The following NEDD4L variants were observed in gnomAD, a reference collection of about 807,000 sequenced individuals.
The protein encoded by NEDD4L is NEDD4 like E3 ubiquitin protein ligase, also known as E3 ubiquitin-protein ligase NEDD4-like.
NEDD4L carries 54 observed loss-of-function variants against 148.9 expected under a neutral mutation model. That is an observed-to-expected ratio of 0.36 (90% CI 0.29 to 0.45). The LOEUF (loss-of-function observed/expected upper bound fraction) is 0.45. Ranked by LOEUF, NEDD4L falls within the 20% of genes least tolerant of loss-of-function variation. NEDD4L has a pLI of 1.00. For synonymous variants in NEDD4L, 433 were observed against 440.7 expected (o/e 0.98, Z 0.22); for missense variants, 856 against 1,233.8 (o/e 0.69, Z 4.59).
At chr18:58,100,152 T>C (rs1029898081) in intron 1 of NEDD4L, among the ~76,000 whole-genome samples, 3 of 152,142 alleles carry the variant, frequency 2.0e-5, no homozygotes, top group African/African-American at 7.2e-5. Context: ...TGCTGTGGGC[T>C]CAGGGAAGTG....
At position 58,256,256 on chromosome 18, in the gene NEDD4L, C is replaced by T; in HGVS notation, c.297+4202C>T. On this transcript the variant is annotated intron_variant, in intron 5 of 30. Transcript: ENST00000400345. The surrounding 1 kb of genome is among the most constrained non-coding windows in gnomAD (Gnocchi z 5.2). ...CAGCGCCGACGTGCGCCAGGTGAGG[C>T]TGCTGCCCCTGGGCCCCGATGGCCA... The T allele has an allele frequency of 8.1e-7, 1 of 1,230,832 alleles. No homozygotes were observed. The highest frequency in any genetic ancestry group is 1.0e-6 in the Non-Finnish European group (1 of 987,382). 76.2% of individuals were successfully genotyped at this position (1,230,832 alleles called of 1,614,324 possible).
intron 13 of NEDD4L, among the ~76,000 whole-genome samples, chr18:58,339,226 C>A (rs1242117683): frequency 6.6e-6 from 1 of 152,134 alleles, no homozygotes; most frequent in Admixed American, 6.5e-5. Flanking sequence ...GAGAATGTAA[C>A]ACATTCCATT....
intron 5 of NEDD4L, among the ~76,000 whole-genome samples, chr18:58,260,064 TAAC>T (rs1438338265): frequency 6.6e-6 from 1 of 152,144 alleles, no homozygotes; most frequent in African/African-American, 2.4e-5. Flanking sequence ...TTTTAAAACA[TAAC>T]AACACAGGAG....
In NEDD4L at chr18:58,109,014, GC is replaced by G. The variant is rs552468919; in HGVS notation, c.49-56773del. 1.7e-3 allele frequency among the ~76,000 whole-genome samples: 257 copies of G among 152,332 alleles called. 1 individual carries two copies. The highest frequency in any genetic ancestry group is 6.1e-3 in the African/African-American group (252 of 41,578). On this transcript the variant is annotated intron_variant, in intron 1 of 30. Coordinates refer to ENST00000400345, the MANE Select transcript of NEDD4L (RefSeq NM_001144967.3). ...GAAGGTAGAAAGTTGAAAGTGGATA[GC>G]TAAAAGTGGAGGCAAATTAAGGGAC...
intron 5 of NEDD4L, among the ~76,000 whole-genome samples, chr18:58,287,229 C>T (rs968517795): frequency 1.3e-5 from 2 of 151,962 alleles, no homozygotes; most frequent in Non-Finnish European, 2.9e-5. Flanking sequence ...CAACCCAGCA[C>T]GAAATTCCAG....
chr18:58,081,609 C>T (rs903460152), intron 1 of NEDD4L, among the ~76,000 whole-genome samples: 3 of 152,084 alleles, frequency 2.0e-5, no homozygotes, highest in East Asian at 1.9e-4. Flanking sequence ...GGAATTAACT[C>T]GGTCAAAACA....
At chr18:58,142,913 C>T (rs1031048534) in intron 1 of NEDD4L, among the ~76,000 whole-genome samples, 4 of 152,036 alleles carry the variant, frequency 2.6e-5, no homozygotes, top group African/African-American at 4.8e-5. Flanking sequence ...TCATCAGTAT[C>T]TGGACGCTGG....
chr18:58,330,992 TA>T, intron 11 of NEDD4L, 78 bp downstream of exon 11: 1 of 1,438,268 alleles, frequency 7.0e-7, no homozygotes, highest in Non-Finnish European at 9.6e-7. Context: ...ATCTCTTACG[TA>T]AATAGTGACC....
chr18:58,084,268 A>T (rs537949165), intron 1 of NEDD4L, among the ~76,000 whole-genome samples: 2 of 152,342 alleles, frequency 1.3e-5, no homozygotes, highest in South Asian at 4.1e-4. Context: ...GGAAACAAGG[A>T]CTAACTGCTA....
chr18:58,150,931 C>T (rs1259873820), intron 1 of NEDD4L, among the ~76,000 whole-genome samples: 1 of 152,188 alleles, frequency 6.6e-6, no homozygotes, highest in Non-Finnish European at 1.5e-5. Flanking sequence ...GGTGGACGTC[C>T]TTGACTCCTC....
intron 1 of NEDD4L, among the ~76,000 whole-genome samples, chr18:58,082,427 T>C (rs532218656): frequency 2.6e-5 from 4 of 151,824 alleles, no homozygotes; most frequent in African/African-American, 9.7e-5. Context: ...TAGTACTGTT[T>C]ATGCATTTTG....
intron 5 of NEDD4L, among the ~76,000 whole-genome samples, chr18:58,302,233 G>A (rs529051918): frequency 1.3e-5 from 2 of 152,226 alleles, no homozygotes; most frequent in African/African-American, 4.8e-5. Flanking sequence ...ACTAGATAAT[G>A]TTTTAAAGGG....
intron 5 of NEDD4L, among the ~76,000 whole-genome samples, chr18:58,261,482 ACTGT>A (rs1197918455): frequency 3.3e-5 from 5 of 152,234 alleles, no homozygotes; most frequent in African/African-American, 1.2e-4. Flanking sequence ...ATTTTAAGAT[ACTGT>A]CTTTTAGAGA....
At position 58,296,749 on chromosome 18, in the gene NEDD4L, C is replaced by G. The variant is rs190919612; in HGVS notation, c.298-19233C>G. On this transcript the variant is annotated intron_variant, in intron 5 of 30. Transcript: ENST00000400345. ...CCAGCCTGGCCAACATGGTGAAACCCTGTCTCTACTAAAAATACAAAAATT... is the reference window on the plus strand; with the variant it reads ...CCAGCCTGGCCAACATGGTGAAACCGTGTCTCTACTAAAAATACAAAAATT... 3.5e-3 allele frequency among the ~76,000 whole-genome samples: 539 copies of G among 152,218 alleles called. 2 individuals carry two copies. Among genetic ancestry groups the G allele is most frequent in the Admixed American group, 5.2e-3 (80 of 15,294 alleles).
chr18:58,311,014 C>CT lies in NEDD4L; in HGVS notation c.298-4957dup, dbSNP rs76708557. 2.3e-3 allele frequency among the ~76,000 whole-genome samples: 336 copies of CT among 147,246 alleles called. 1 individual carries two copies. The highest frequency in any genetic ancestry group is 6.9e-3 in the Middle Eastern group (2 of 290). On this transcript the variant is annotated intron_variant, in intron 5 of 30. Transcript: ENST00000400345. The stretch of plus-strand genomic sequence containing the variant: ...CCATTTGTCTTAAGAAACTCTAAAC[C>CT]TTTTTTTTTTTGGAAATCACTACTT...
At chr18:58,262,007 A>G (rs570269797) in intron 5 of NEDD4L, among the ~76,000 whole-genome samples, 2 of 152,310 alleles carry the variant, frequency 1.3e-5, no homozygotes, top group Admixed American at 1.3e-4. Flanking sequence ...CCCACCTCAG[A>G]GTTGGCTGGT....
chr18:58,156,870 C>T (rs1159343368), intron 1 of NEDD4L, among the ~76,000 whole-genome samples: 1 of 152,108 alleles, frequency 6.6e-6, no homozygotes, highest in African/African-American at 2.4e-5. Context: ...TTTTCTATCT[C>T]TCTATTATTT....
chr18:58,347,232 A>G, intron 16 of NEDD4L, among the ~76,000 whole-genome samples: 1 of 35,894 alleles, frequency 2.8e-5, no homozygotes, highest in Non-Finnish European at 5.0e-5. Context: ...CCCCCCTTTA[A>G]ATCACCAGCC....
rs2144830537 is a variant in NEDD4L, at chr18:58,333,899, C to T, written c.1065+7C>T. 1.9e-6 allele frequency: 3 copies of T among 1,600,282 alleles called. No individual in the cohort carries two copies. The highest frequency in any genetic ancestry group is 2.6e-6 in the Non-Finnish European group (3 of 1,171,574). The stretch of plus-strand genomic sequence containing the variant: ...ACAGGGCCATCTACCACCGGTAACC[C>T]ATGCTAATTTCCAGTCATCAGTTGA... On this transcript the variant is annotated splice_region_variant and intron_variant, in intron 12 of 30. Coordinates refer to ENST00000400345, the MANE Select transcript of NEDD4L (RefSeq NM_001144967.3).
Sources: gnomAD v4.1 joint callset for allele counts (sites outside exome capture counted in the v4.1 genomes callset) on GRCh38, gnomAD v4.1.1 for gene constraint, Gnocchi (gnomAD v3.1) non-coding constraint, MANE v1.5 for transcripts, NCBI Gene and HGNC (gene_info 2026-07-23, HGNC 2026-07-21) for gene names.